Variants in LRRIQ1 observed in about 807,000 individuals in gnomAD.
LRRIQ1 encodes the protein leucine rich repeats and IQ motif containing 1, also known as leucine-rich repeat- and IQ domain-containing protein 1.
A neutral mutation model predicts 211.9 loss-of-function variants in LRRIQ1; 210 were observed. That is an observed-to-expected ratio of 0.99 (90% CI 0.89 to 1.11). The LOEUF is 1.11. LRRIQ1 is among the 50% of genes most tolerant of loss of function. The pLI, the probability that LRRIQ1 is intolerant of heterozygous loss-of-function variation, is 0.00. For missense variants in LRRIQ1, 2,136 were observed against 1,939.5 expected, an observed-to-expected ratio of 1.10 and a Z score of -1.90; for synonymous variants, 699 against 650.1, an observed-to-expected ratio of 1.08 and a Z score of -1.14.
downstream of LRRIQ1, among the ~76,000 whole-genome samples, chr12:85,248,293 A>G (rs1895793538): frequency 6.6e-6 from 1 of 151,732 alleles, no homozygotes; most frequent in South Asian, 2.1e-4. Flanking sequence ...TTAGCAAAGA[A>G]GAGCAGCAAC....
chr12:85,067,645 A>G (rs1882585803), intron 10 of LRRIQ1, among the ~76,000 whole-genome samples: 1 of 151,664 alleles, frequency 6.6e-6, no homozygotes, highest in South Asian at 2.1e-4. Flanking sequence ...TTTCCCGAGT[A>G]CTGAGACTAC....
chr12:85,240,682 A>T (rs1235207146), intron 26 of LRRIQ1, among the ~76,000 whole-genome samples: 2 of 152,180 alleles, frequency 1.3e-5, no homozygotes, highest in Non-Finnish European at 2.9e-5. Flanking sequence ...AAAGCAATAA[A>T]CAAGAAAGCT....
At chr12:85,111,945 T>C (rs11116714) in intron 15 of LRRIQ1, among the ~76,000 whole-genome samples, 41,828 of 147,928 alleles carry the variant, frequency 0.28, 6,014 homozygotes, top group East Asian at 0.44. Context: ...TATATATATA[T>C]ACACACACAC....
At chr12:85,232,985 AT>A in intron 26 of LRRIQ1, 2 of 446,158 alleles carry the variant, frequency 4.5e-6, no homozygotes, top group Non-Finnish European at 7.8e-6. Flanking sequence ...AGATGTAAAA[AT>A]ATTAGCATCC....
chr12:85,090,280 G>A (rs1885251156), intron 11 of LRRIQ1, among the ~76,000 whole-genome samples: 1 of 152,200 alleles, frequency 6.6e-6, no homozygotes, highest in Non-Finnish European at 1.5e-5. Context: ...CCAAAGTAGG[G>A]CAGAGGGGAA....
rs548201728 is a variant in LRRIQ1 at position 85,043,526 on chromosome 12, T to C, written c.245-1192T>C. Among the ~76,000 whole-genome samples the C allele has an allele frequency of 4.6e-5, 7 of 152,196 alleles. No homozygotes were observed. In the South Asian group the frequency reaches 1.5e-3, roughly 32 times the overall value. On this transcript the variant is annotated intron_variant, in intron 3 of 26. Transcript: ENST00000393217. Reference sequence around the variant, plus strand: ...GCTTCTCATGATCTTTTCTCAGACATCATGCGTCATTTCTGCCACATCCTG... The same window carrying C: ...GCTTCTCATGATCTTTTCTCAGACACCATGCGTCATTTCTGCCACATCCTG...
chr12:85,103,907 A>C, intron 13 of LRRIQ1, 97 bp from the exon 14 acceptor site: 1 of 494,308 alleles, frequency 2.0e-6, no homozygotes, highest in Non-Finnish European at 3.5e-6. Context: ...ATAATTATAT[A>C]ATTGTATTAT....
In LRRIQ1 at chr12:85,162,830, T is replaced by TA. The variant is rs1321474689; in HGVS notation, c.4822+2116_4822+2117insA. 1.3e-5 allele frequency: 6 copies of TA among 455,770 alleles called. No individual in the cohort carries two copies. The Middle Eastern group carries it at 2.0e-3, about 148-fold the overall frequency. The allele number at this position is 455,770 out of a possible 1,614,324, so 28.2% of individuals were successfully genotyped here. A position where few individuals can be genotyped will look rare whatever the true frequency, so the allele number is the denominator to read the frequency against. On this transcript the variant is annotated intron_variant, in intron 24 of 26. Coordinates refer to ENST00000393217, the MANE Select transcript of LRRIQ1 (RefSeq NM_001079910.2). ...ACATTTGGCATTTCATTAATTTCAC[T>TA]GAATGAGTTTTATGTATTTACCAGA...
chr12:85,070,681 GT>G (rs1311365847), intron 10 of LRRIQ1, among the ~76,000 whole-genome samples: 5 of 151,752 alleles, frequency 3.3e-5, no homozygotes, highest in African/African-American at 4.8e-5. Flanking sequence ...CAGTTGCTCT[GT>G]TATTCGTTTT....
chr12:85,160,762 A>G (rs1890821718), intron 24 of LRRIQ1, 48 bp downstream of exon 24: 2 of 995,376 alleles, frequency 2.0e-6, no homozygotes, highest in Admixed American at 2.3e-5. Context: ...ATAAAGAAAG[A>G]TTAAAAGAAT....
chr12:85,206,368 C>A (rs1407695544), intron 24 of LRRIQ1, among the ~76,000 whole-genome samples: 2 of 152,132 alleles, frequency 1.3e-5, no homozygotes, highest in Non-Finnish European at 2.9e-5. Context: ...CATGTTCATA[C>A]CAGTGACAGT....
intron 18 of LRRIQ1, among the ~76,000 whole-genome samples, chr12:85,137,231 C>T (rs1889199151): frequency 6.6e-6 from 1 of 151,196 alleles, no homozygotes; most frequent in South Asian, 2.1e-4. Context: ...GCTCATTCCA[C>T]ATGAGCATAA....
At chr12:85,204,055 G>A (rs1316529064) in intron 24 of LRRIQ1, among the ~76,000 whole-genome samples, 2 of 152,158 alleles carry the variant, frequency 1.3e-5, no homozygotes, top group Admixed American at 1.3e-4. Flanking sequence ...CCAATGCTGT[G>A]TGCAGCCTAG....
At chr12:85,236,825 G>A (rs1420032813) in intron 26 of LRRIQ1, among the ~76,000 whole-genome samples, 10 of 75,652 alleles carry the variant, frequency 1.3e-4, no homozygotes, top group Non-Finnish European at 2.1e-4. Flanking sequence ...GTATGTGTAT[G>A]TGTGCATATA....
chr12:85,204,731 C>T (rs1326715279), intron 24 of LRRIQ1, among the ~76,000 whole-genome samples: 1 of 139,038 alleles, frequency 7.2e-6, no homozygotes, highest in Non-Finnish European at 1.5e-5. Flanking sequence ...AATATCTGTA[C>T]CCCCATTGTA....
chr12:85,256,306 CTG>C (rs1302404889), intron 1 of LRRIQ1, among the ~76,000 whole-genome samples: 1 of 151,632 alleles, frequency 6.6e-6, no homozygotes, highest in Non-Finnish European at 1.5e-5. Flanking sequence ...ATGTTTCTAA[CTG>C]TAATATTTTA....
At chr12:85,040,459 TCA>T in intron 2 of LRRIQ1, 29 bp from the exon 3 acceptor site, 1 of 1,333,294 alleles carries the variant, frequency 7.5e-7, no homozygotes, top group South Asian at 1.4e-5. Flanking sequence ...ATAAACACTT[TCA>T]CAGTTTCTTG....
At chr12:85,102,753 G>A (rs1002794990) in intron 13 of LRRIQ1, among the ~76,000 whole-genome samples, 12 of 151,102 alleles carry the variant, frequency 7.9e-5, no homozygotes, top group African/African-American at 2.2e-4. Context: ...CAGTGAGTTT[G>A]TAGAAATAAA....
At chr12:85,091,129 C>T (rs552700125) in intron 11 of LRRIQ1, among the ~76,000 whole-genome samples, 6 of 152,204 alleles carry the variant, frequency 3.9e-5, no homozygotes, top group South Asian at 2.1e-4. Context: ...TTGCCTTTTA[C>T]GATGATTGTA....
Sources: gnomAD v4.1 joint callset for allele counts (sites outside exome capture counted in the v4.1 genomes callset) on GRCh38, gnomAD v4.1.1 for gene constraint, MANE v1.5 for transcripts, NCBI Gene and HGNC (gene_info 2026-07-23, HGNC 2026-07-21) for gene names.